The following MYO3A variants were observed in gnomAD, a reference collection of about 807,000 sequenced individuals.
The protein encoded by MYO3A is myosin IIIA, also known as myosin-IIIa.
In MYO3A, 180 loss-of-function variants were observed where a neutral mutation model predicts 192.7. That is an observed-to-expected ratio of 0.93 (90% CI 0.83 to 1.06). The LOEUF is 1.06. Among genes scored for constraint, MYO3A ranks in the 50% least tolerant of loss-of-function variants. The pLI, the probability that MYO3A is intolerant of heterozygous loss-of-function variation, is 0.00. For missense variants in MYO3A, 1,896 were observed against 1,905.0 expected (o/e 1.00, Z 0.09); for synonymous variants, 628 against 645.3 (o/e 0.97, Z 0.41).
At chr10:26,097,630 T>C (rs535723712) in intron 17 of MYO3A, among the ~76,000 whole-genome samples, 1 of 150,146 alleles carries the variant, frequency 6.7e-6, no homozygotes, top group African/African-American at 2.4e-5. Flanking sequence ...AGTGAGAACA[T>C]GCAGTGTTTC....
rs372535993 is a variant in MYO3A, at chr10:26,096,355, C to T, written c.1563-26C>T. The T allele has an allele frequency of 4.1e-6, 6 of 1,481,474 alleles. No individual in the cohort carries two copies. In the African/African-American group the frequency reaches 6.9e-5, roughly 17 times the overall value. The allele number at this position is 1,481,474 out of a possible 1,614,324, so 91.8% of individuals were successfully genotyped here. A position where few individuals can be genotyped will look rare whatever the true frequency, so the allele number is the denominator to read the frequency against. On this transcript the variant is annotated intron_variant, in intron 15 of 34. Coordinates refer to ENST00000642920, the MANE Select transcript of MYO3A (RefSeq NM_017433.5). ...AGCAAGAAATGTTCTTACTAACTAC[C>T]TTACTGTAAATATCTTTTTTTCCAG...
intron 4 of MYO3A, among the ~76,000 whole-genome samples, chr10:25,958,090 A>G (rs1837675896): frequency 6.6e-6 from 1 of 152,118 alleles, no homozygotes; most frequent in African/African-American, 2.4e-5. Context: ...CTTTAGTTTA[A>G]TAAGATTTCA....
chr10:26,163,030 C>G (rs999321543), intron 26 of MYO3A, among the ~76,000 whole-genome samples: 1 of 152,242 alleles, frequency 6.6e-6, no homozygotes, highest in Non-Finnish European at 1.5e-5. Context: ...GAAGCATGAG[C>G]AAACATGGCC....
chr10:25,938,943 A>G (rs1836296526), intron 2 of MYO3A, among the ~76,000 whole-genome samples: 1 of 152,182 alleles, frequency 6.6e-6, no homozygotes. Flanking sequence ...TTTGGTCATT[A>G]CATATGAAGT....
chr10:25,953,671 A>G (rs1326590105), intron 3 of MYO3A, among the ~76,000 whole-genome samples: 2 of 152,164 alleles, frequency 1.3e-5, no homozygotes, highest in East Asian at 3.8e-4. Context: ...CAAATGGCTT[A>G]TAATCCATGT....
intron 14 of MYO3A, among the ~76,000 whole-genome samples, chr10:26,083,706 A>T (rs1836120106): frequency 6.6e-6 from 1 of 152,184 alleles, no homozygotes; most frequent in South Asian, 2.1e-4. Context: ...TCAAGAAAAG[A>T]TGTTGTGGTA....
At chr10:26,044,174 A>G (rs1414862215) in intron 10 of MYO3A, among the ~76,000 whole-genome samples, 1 of 152,170 alleles carries the variant, frequency 6.6e-6, no homozygotes, top group African/African-American at 2.4e-5. Context: ...ACTATGGCTG[A>G]GCTGGTATTC....
chr10:26,114,547 G>GCAAA (rs1838389555), intron 17 of MYO3A, among the ~76,000 whole-genome samples: 1 of 152,026 alleles, frequency 6.6e-6, no homozygotes, highest in Admixed American at 6.6e-5. Context: ...CACTGAGGAT[G>GCAAA]CAAAGTTTGA....
intron 22 of MYO3A, 28 bp from the exon 23 acceptor site, chr10:26,147,402 T>A (rs1266926240): frequency 6.3e-7 from 1 of 1,597,486 alleles, no homozygotes; most frequent in Non-Finnish European, 8.6e-7. Context: ...ACATTGATTG[T>A]GATAATTATA....
intron 10 of MYO3A, among the ~76,000 whole-genome samples, chr10:26,055,829 C>G (rs1386908074): frequency 2.6e-5 from 4 of 152,184 alleles, no homozygotes; most frequent in African/African-American, 9.7e-5. Context: ...AGGTTGAAAC[C>G]TAATCATATA....
chr10:26,032,531 G>A (rs1842848136), intron 10 of MYO3A, among the ~76,000 whole-genome samples: 1 of 151,898 alleles, frequency 6.6e-6, no homozygotes, highest in Non-Finnish European at 1.5e-5. Context: ...CAGGAGAATC[G>A]CTTGAACCAG....
chr10:26,179,938 A>G (rs927482600), intron 31 of MYO3A, among the ~76,000 whole-genome samples: 1 of 152,130 alleles, frequency 6.6e-6, no homozygotes, highest in African/African-American at 2.4e-5. Context: ...GGTTCAAGTG[A>G]TTCTCATGCC....
intron 17 of MYO3A, among the ~76,000 whole-genome samples, chr10:26,106,261 C>T (rs764555477): frequency 2.6e-5 from 4 of 151,954 alleles, no homozygotes; most frequent in Non-Finnish European, 5.9e-5. Flanking sequence ...AATTATGAAG[C>T]GACTTATGTA....
At chr10:26,159,828 C>G (rs1220307896) in intron 26 of MYO3A, among the ~76,000 whole-genome samples, 1 of 151,930 alleles carries the variant, frequency 6.6e-6, no homozygotes, top group Non-Finnish European at 1.5e-5. Context: ...TAAGACAAAC[C>G]AAAACCTCAA....
At chr10:26,085,423 C>T (rs1836245140) in intron 14 of MYO3A, among the ~76,000 whole-genome samples, 1 of 152,128 alleles carries the variant, frequency 6.6e-6, no homozygotes, top group Non-Finnish European at 1.5e-5. Context: ...ATTGCCTTTG[C>T]TGCATTCCAT....
intron 4 of MYO3A, among the ~76,000 whole-genome samples, chr10:25,967,975 G>A (rs541726281): frequency 6.6e-6 from 1 of 152,300 alleles, no homozygotes; most frequent in Non-Finnish European, 1.5e-5. Flanking sequence ...TCACCTATGT[G>A]TCATTGCAGC....
intron 34 of MYO3A, among the ~76,000 whole-genome samples, chr10:26,209,745 C>G (rs919659542): frequency 3.9e-5 from 6 of 152,110 alleles, no homozygotes; most frequent in Non-Finnish European, 8.8e-5. Context: ...AATGGAGTGT[C>G]CCAGACCTTT....
chr10:26,172,687 A>G (rs1414496765), intron 29 of MYO3A, among the ~76,000 whole-genome samples: 1 of 152,208 alleles, frequency 6.6e-6, no homozygotes, highest in Admixed American at 6.5e-5. Context: ...ATTCATCAAA[A>G]TCATGGGCAT....
chr10:25,941,616 A>G (rs72789918), intron 2 of MYO3A, among the ~76,000 whole-genome samples: 8,480 of 152,264 alleles, frequency 0.056, 239 homozygotes, highest in Non-Finnish European at 0.065. Context: ...AACATAAATT[A>G]CATAAAATTT....
Sources: allele counts gnomAD v4.1 joint callset (sites outside exome capture counted in the v4.1 genomes callset), GRCh38; gene constraint gnomAD v4.1.1; transcripts MANE v1.5; gene names NCBI Gene and HGNC (gene_info 2026-07-23, HGNC 2026-07-21).